ATP2A2: variants seen among roughly 807,000 people sequenced by gnomAD.
ATP2A2 encodes the protein sarcoplasmic/endoplasmic reticulum calcium ATPase 2.
Under a neutral mutation model 109.3 loss-of-function variants are expected in ATP2A2, and 14 were observed. That is an observed-to-expected ratio of 0.13 (90% CI 0.08 to 0.20). The LOEUF is 0.20. Among genes scored for constraint, ATP2A2 ranks in the 10% least tolerant of loss-of-function variants. The probability of loss-of-function intolerance (pLI) is 1.00; values close to 1 mark genes in which losing one functional copy is unlikely to be tolerated. For synonymous variants in ATP2A2, 506 were observed against 490.9 expected, an observed-to-expected ratio of 1.03 and a Z score of -0.41; for missense variants, 657 against 1,321.6, an observed-to-expected ratio of 0.50 and a Z score of 7.80.
In ATP2A2 at chr12:110,347,806, C is replaced by T; in HGVS notation, c.*1336C>T. On this transcript the variant is annotated 3_prime_UTR_variant, in exon 20 of 20. Coordinates refer to ENST00000539276, the MANE Select transcript of ATP2A2 (RefSeq NM_170665.4). The stretch of plus-strand genomic sequence containing the variant: ...CATCAACTAACGTGAGTATTTTCTT[C>T]CTGGGATTTGGATGCTTTAGCCTAA... 1 of 1,046,952 alleles carries T rather than the reference C, an allele frequency of 9.6e-7. No individual in the cohort carries two copies. The highest frequency in any genetic ancestry group is 1.2e-6 in the Non-Finnish European group (1 of 866,386). The allele number at this position is 1,046,952 out of a possible 1,614,324, so 64.9% of individuals were successfully genotyped here.
intron 6 of ATP2A2, 143 bp downstream of exon 6, chr12:110,323,215 C>G: frequency 1.4e-6 from 1 of 734,996 alleles, no homozygotes; most frequent in Non-Finnish European, 2.4e-6. Flanking sequence ...GCTTTAGTCT[C>G]GCTCCATTGC....
Position 110,340,568 on chromosome 12 carries a change from A to C in ATP2A2, c.1762-91A>C. On this transcript the variant is annotated intron_variant, in intron 13 of 19. Coordinates refer to ENST00000539276, the MANE Select transcript of ATP2A2 (RefSeq NM_170665.4). The surrounding 1 kb of genome is among the most constrained non-coding windows in gnomAD (Gnocchi z 6.0). ...AAAAAAAAAGAAAAAAAATGCAGAA[A>C]CCTGTCTCAATGTTTAACTGGGCAT... 1 of 1,380,902 alleles carries C rather than the reference A, an allele frequency of 7.2e-7. No individual in the cohort carries two copies. The allele number at this position is 1,380,902 out of a possible 1,614,324, so 85.5% of individuals were successfully genotyped here.
At chr12:110,318,771 G>A (rs1432859239) in intron 5 of ATP2A2, among the ~76,000 whole-genome samples, 3 of 152,228 alleles carry the variant, frequency 2.0e-5, no homozygotes, top group Admixed American at 2.0e-4. Context: ...ACCGTGCCCA[G>A]TCTATGGCAG....
At chr12:110,334,199 A>T (rs1878614259) in intron 11 of ATP2A2, 56 bp downstream of exon 11, 2 of 1,600,436 alleles carry the variant, frequency 1.2e-6, no homozygotes. Context: ...TACTATATAT[A>T]CTTAGTGTCT....
chr12:110,335,039 T>A (rs1878710516), intron 11 of ATP2A2, among the ~76,000 whole-genome samples: 1 of 152,216 alleles, frequency 6.6e-6, no homozygotes, highest in African/African-American at 2.4e-5. Context: ...CTGAGCCTTT[T>A]TCTGCCTGTC....
At position 110,347,295 on chromosome 12, in the gene ATP2A2, A is replaced by C; in HGVS notation, c.*825A>C. On this transcript the variant is annotated 3_prime_UTR_variant, in exon 20 of 20. Coordinates refer to ENST00000539276, the MANE Select transcript of ATP2A2 (RefSeq NM_170665.4). ...TGGCACGTCATCTAGTTTTAAAAAAATAAAACATTTTAAATGGACAGAGAA... is the reference window on the plus strand; with the variant it reads ...TGGCACGTCATCTAGTTTTAAAAAACTAAAACATTTTAAATGGACAGAGAA... 1 of 1,263,248 alleles carries C rather than the reference A, an allele frequency of 7.9e-7. No individual in the cohort carries two copies. The highest frequency in any genetic ancestry group is 1.5e-5 in the African/African-American group (1 of 65,080). 78.3% of individuals were successfully genotyped at this position (1,263,248 alleles called of 1,614,324 possible). A position where few individuals can be genotyped will look rare whatever the true frequency, so the allele number is the denominator to read the frequency against.
rs1880268817 is a variant in ATP2A2 at position 110,350,187 on chromosome 12, G to C, written c.*3717G>C. ...AAACCTTGAAAAGATCAAGCTGAAT[G>C]TTCCTTTTCATCTGTCGCTGTTGAT... On this transcript the variant is annotated 3_prime_UTR_variant, in exon 20 of 20. Coordinates refer to ENST00000539276, the MANE Select transcript of ATP2A2 (RefSeq NM_170665.4). 7 of 1,609,362 alleles carry C rather than the reference G, an allele frequency of 4.3e-6. No homozygotes were observed. The Admixed American group carries it at 1.2e-4, about 27-fold the overall frequency.
Position 110,304,326 on chromosome 12 carries a change from A to G in ATP2A2, c.463+7589A>G, listed in dbSNP as rs374093509. Among the ~76,000 whole-genome samples the G allele has an allele frequency of 6.6e-5, 10 of 152,342 alleles. No individual in the cohort carries two copies. The South Asian group carries it at 1.4e-3, about 22-fold the overall frequency. ...ACCTAAGCATGGAATTATGGGGCCT[A>G]TAGTGACTCTATACTTAACATTTTG... On this transcript the variant is annotated intron_variant, in intron 5 of 19. Transcript: ENST00000539276.
Position 110,342,178 on chromosome 12 carries a change from A to G in ATP2A2, c.2098-50A>G, listed in dbSNP as rs780760209. The G allele has an allele frequency of 1.9e-6, 3 of 1,598,826 alleles. No individual in the cohort carries two copies. Among genetic ancestry groups the G allele is most frequent in the Non-Finnish European group, 2.6e-6 (3 of 1,166,208 alleles). On this transcript the variant is annotated intron_variant, in intron 14 of 19. Transcript: ENST00000539276. The surrounding 1 kb of genome is among the most constrained non-coding windows in gnomAD (Gnocchi z 4.6). Reference sequence around the variant, plus strand: ...ATTCAGTGGGCTTTTGCCTAGGGGTATGAATGTGGCATGCCAGTTGGCTGA... The same window carrying G: ...ATTCAGTGGGCTTTTGCCTAGGGGTGTGAATGTGGCATGCCAGTTGGCTGA...
chr12:110,341,057 T>C, intron 14 of ATP2A2, 63 bp downstream of exon 14: 1 of 1,569,160 alleles, frequency 6.4e-7, no homozygotes, highest in Non-Finnish European at 8.7e-7. Flanking sequence ...GCCTCTAATT[T>C]TGACCACTGA....
At chr12:110,313,343 C>T (rs1442283850) in intron 5 of ATP2A2, among the ~76,000 whole-genome samples, 1 of 123,348 alleles carries the variant, frequency 8.1e-6, no homozygotes, top group Non-Finnish European at 1.6e-5. Context: ...GATACGGAGT[C>T]GCTCTGTCGC....
Position 110,347,244 on chromosome 12 carries a change from T to G in ATP2A2, c.*774T>G. 8.2e-7 allele frequency: 1 copy of G among 1,216,412 alleles called. No individual in the cohort carries two copies. The highest frequency in any genetic ancestry group is 1.0e-6 in the Non-Finnish European group (1 of 954,822). 75.4% of individuals were successfully genotyped at this position (1,216,412 alleles called of 1,614,324 possible). A position where few individuals can be genotyped will look rare whatever the true frequency, so the allele number is the denominator to read the frequency against. On this transcript the variant is annotated 3_prime_UTR_variant, in exon 20 of 20. Transcript: ENST00000539276. ...TAATGTATTTTATTGTAACAGACATTGTTTTGCCAACATTGCCTATTTCAG... is the reference window on the plus strand; with the variant it reads ...TAATGTATTTTATTGTAACAGACATGGTTTTGCCAACATTGCCTATTTCAG...
At chr12:110,343,077 T>A (rs1287061081) in intron 15 of ATP2A2, among the ~76,000 whole-genome samples, 155 bp from the exon 16 acceptor site, 1 of 152,216 alleles carries the variant, frequency 6.6e-6, no homozygotes, top group South Asian at 2.1e-4. Context: ...TAAGTAAAAT[T>A]GAGCTTTAAT....
chr12:110,311,854 A>G (rs1165870688), intron 5 of ATP2A2, among the ~76,000 whole-genome samples: 1 of 152,016 alleles, frequency 6.6e-6, no homozygotes, highest in Admixed American at 6.6e-5. Context: ...CCTGGGCAAC[A>G]TATTGAGACC....
At position 110,350,157 on chromosome 12, in the gene ATP2A2, T is replaced by G; in HGVS notation, c.*3687T>G. The stretch of plus-strand genomic sequence containing the variant: ...AGGGACAGTAAATCAGAAATGCTGG[T>G]CTTGAAACCTTGAAAAGATCAAGCT... On this transcript the variant is annotated 3_prime_UTR_variant, in exon 20 of 20. Transcript: ENST00000539276. 1 of 1,574,132 alleles carries G rather than the reference T, an allele frequency of 6.4e-7. No individual in the cohort carries two copies. The highest frequency in any genetic ancestry group is 8.6e-7 in the Non-Finnish European group (1 of 1,159,768).
chr12:110,341,197 G>A (rs1879320761), intron 14 of ATP2A2, among the ~76,000 whole-genome samples: 2 of 149,460 alleles, frequency 1.3e-5, no homozygotes, highest in East Asian at 2.1e-4. Flanking sequence ...TTAAAACCCA[G>A]AAGGGCCTTC....
In ATP2A2 at chr12:110,326,427, C is replaced by T. The variant is rs368762109; in HGVS notation, c.582C>T (p.Val194=). 3 of 1,613,992 alleles carry T rather than the reference C, an allele frequency of 1.9e-6. No homozygotes were observed. The highest frequency in any genetic ancestry group is 2.5e-6 in the Non-Finnish European group (3 of 1,180,010). Residue 194 remains valine, a synonymous_variant, in exon 7 of 20, where the codon GTC becomes GTT. Transcript: ENST00000539276. ...SVSVIKHTDP[V]PDPRAVNQDK... is the part of the protein sequence containing the mutation. ...CTGTCATCAAGCACACTGATCCCGT[C>T]CCTGACCCACGAGCTGTCAACCAAG...
At chr12:110,333,958 T>C (rs2137833921) in intron 10 of ATP2A2, 54 bp from the exon 11 acceptor site, 1 of 1,611,008 alleles carries the variant, frequency 6.2e-7, no homozygotes. Context: ...TAAAGATAAA[T>C]TTATCTGTGT....
In ATP2A2 at chr12:110,350,265, C is replaced by T. The variant is rs1432128760; in HGVS notation, c.*3795C>T. ...CGTTTCCTCTCTGTATTTCATGAAG[C>T]TGATTTCCTCTCTCTTTCCTTTTCA... On this transcript the variant is annotated 3_prime_UTR_variant, in exon 20 of 20. Transcript: ENST00000539276. The T allele has an allele frequency of 3.7e-6, 6 of 1,614,106 alleles. No individual in the cohort carries two copies. Among genetic ancestry groups the T allele is most frequent in the Non-Finnish European group, 4.2e-6 (5 of 1,180,048 alleles).
Sources: gnomAD v4.1 joint callset for allele counts (sites outside exome capture counted in the v4.1 genomes callset) on GRCh38, gnomAD v4.1.1 for gene constraint, Gnocchi (gnomAD v3.1) non-coding constraint, MANE v1.5 for transcripts, NCBI Gene and HGNC (gene_info 2026-07-23, HGNC 2026-07-21) for gene names.